The following CFAP299 variants were observed in gnomAD, a reference collection of about 807,000 sequenced individuals.
CFAP299 encodes the protein cilia and flagella associated protein 299.
Under a neutral mutation model 27.0 loss-of-function variants are expected in CFAP299, and 21 were observed. The ratio of observed to expected loss-of-function variants is 0.78; its 90% CI spans 0.55 to 1.12. The LOEUF is 1.12. Ranked by LOEUF, CFAP299 falls within the 50% of genes most tolerant of loss-of-function variation. CFAP299 has a pLI of 0.00. For missense variants in CFAP299, 310 were observed against 276.6 expected, an observed-to-expected ratio of 1.12 and a Z score of -0.86; for synonymous variants, 104 against 98.1, an observed-to-expected ratio of 1.06 and a Z score of -0.36.
intron 3 of CFAP299, among the ~76,000 whole-genome samples, chr4:80,742,070 T>C (rs1209647439): frequency 1.3e-5 from 2 of 152,088 alleles, no homozygotes; most frequent in African/African-American, 4.8e-5. Context: ...GTGGGAGAGA[T>C]GGGGGAAGGG....
intron 3 of CFAP299, among the ~76,000 whole-genome samples, chr4:80,772,251 C>A (rs559434560): frequency 6.6e-6 from 1 of 152,056 alleles, no homozygotes; most frequent in South Asian, 2.1e-4. Context: ...CGTGATAAAC[C>A]TCAATGTAGC....
At chr4:80,457,575 A>T (rs1464919478) in intron 2 of CFAP299, among the ~76,000 whole-genome samples, 2 of 152,168 alleles carry the variant, frequency 1.3e-5, no homozygotes, top group Non-Finnish European at 2.9e-5. Flanking sequence ...CTTCCCATTG[A>T]TTCCTAATCT....
chr4:80,624,029 T>A (rs1438863513), intron 3 of CFAP299, among the ~76,000 whole-genome samples: 1 of 152,176 alleles, frequency 6.6e-6, no homozygotes, highest in Non-Finnish European at 1.5e-5. Context: ...AAAATGCCAG[T>A]CTGCTAAGGC....
At chr4:80,422,402 C>G (rs1222650686) in intron 2 of CFAP299, among the ~76,000 whole-genome samples, 2 of 152,052 alleles carry the variant, frequency 1.3e-5, no homozygotes, top group Non-Finnish European at 2.9e-5. Context: ...TTAGTTTAGC[C>G]CTCCACAGGT....
At chr4:80,378,248 A>G (rs1194276557) in intron 2 of CFAP299, among the ~76,000 whole-genome samples, 1 of 152,230 alleles carries the variant, frequency 6.6e-6, no homozygotes, top group Non-Finnish European at 1.5e-5. Flanking sequence ...GATAGTATAT[A>G]GAAATAAAAT....
intron 4 of CFAP299, among the ~76,000 whole-genome samples, chr4:80,912,627 C>T (rs559504976): frequency 2.2e-4 from 33 of 152,102 alleles, no homozygotes; most frequent in African/African-American, 4.6e-4. Context: ...CTGGCCCACG[C>T]GTATGGCTCA....
chr4:80,776,535 A>G (rs1032580194), intron 3 of CFAP299, among the ~76,000 whole-genome samples: 3 of 152,112 alleles, frequency 2.0e-5, no homozygotes, highest in Non-Finnish European at 2.9e-5. Context: ...GAGTTGAACA[A>G]TGAGAACACG....
rs879141942 is a variant in CFAP299 at position 80,386,704 on chromosome 4, G to A, written c.242+23820G>A. 48 of 1,575,400 alleles carry A rather than the reference G, an allele frequency of 3.0e-5. 1 individual carries two copies. The East Asian group carries it at 8.6e-4, about 28-fold the overall frequency. ...GGCGGCTGAAGGACCTGCTGCACAG[G>A]GCGCATTTGTGGAGCTTCATGCCGG... On this transcript the variant is annotated intron_variant, in intron 2 of 5. Coordinates refer to ENST00000358105, the MANE Select transcript of CFAP299 (RefSeq NM_152770.3).
chr4:80,797,716 A>G (rs1727950468), intron 3 of CFAP299, among the ~76,000 whole-genome samples: 1 of 152,114 alleles, frequency 6.6e-6, no homozygotes, highest in Non-Finnish European at 1.5e-5. Context: ...GCCCTCACAA[A>G]TCTATTTCAG....
At chr4:80,928,188 G>A (rs73831210) in intron 4 of CFAP299, among the ~76,000 whole-genome samples, 11,347 of 151,954 alleles carry the variant, frequency 0.075, 809 homozygotes, top group African/African-American at 0.17. Flanking sequence ...TTATAATATT[G>A]TGCTCTTTAG....
upstream of CFAP299, among the ~76,000 whole-genome samples, chr4:80,332,376 A>G (rs1393632301): frequency 6.6e-6 from 1 of 152,086 alleles, no homozygotes; most frequent in Non-Finnish European, 1.5e-5. Flanking sequence ...AAAATGGGAA[A>G]GGAGCTGGGG....
intron 3 of CFAP299, among the ~76,000 whole-genome samples, chr4:80,812,141 T>C (rs1278768312): frequency 1.3e-5 from 2 of 152,024 alleles, no homozygotes; most frequent in Admixed American, 6.6e-5. Context: ...TTTGTAAAAA[T>C]GGTGAATAGT....
At chr4:80,406,367 G>T (rs540984402) in intron 2 of CFAP299, among the ~76,000 whole-genome samples, 51 of 152,154 alleles carry the variant, frequency 3.4e-4, no homozygotes, top group African/African-American at 1.1e-3. Context: ...CCTTTTTTAA[G>T]TGTAATTTTT....
At chr4:80,795,813 C>T (rs1286756106) in intron 3 of CFAP299, among the ~76,000 whole-genome samples, 1 of 152,098 alleles carries the variant, frequency 6.6e-6, no homozygotes, top group African/African-American at 2.4e-5. Flanking sequence ...TCCACCAAAG[C>T]CCACTAACAG....
At chr4:80,431,690 C>T (rs1727824686) in intron 2 of CFAP299, among the ~76,000 whole-genome samples, 1 of 152,194 alleles carries the variant, frequency 6.6e-6, no homozygotes, top group African/African-American at 2.4e-5. Flanking sequence ...CTTCCTGAGG[C>T]ATTGTCAAAC....
At chr4:80,629,976 G>A (rs1739123163) in intron 3 of CFAP299, among the ~76,000 whole-genome samples, 2 of 151,694 alleles carry the variant, frequency 1.3e-5, no homozygotes, top group Admixed American at 6.6e-5. Context: ...TATTTTCATT[G>A]AAATTTTTAA....
chr4:80,580,194 G>A (rs77606914), intron 2 of CFAP299, among the ~76,000 whole-genome samples: 6,456 of 152,122 alleles, frequency 0.042, 424 homozygotes, highest in African/African-American at 0.14. Flanking sequence ...CTATAACTCA[G>A]CTACCTTTCA....
intron 2 of CFAP299, among the ~76,000 whole-genome samples, chr4:80,391,323 G>T (rs1002530124): frequency 4.6e-5 from 7 of 152,080 alleles, no homozygotes; most frequent in African/African-American, 1.7e-4. Context: ...ATACCAATTT[G>T]TATTCCTACC....
At chr4:80,640,796 G>T (rs1739687145) in intron 3 of CFAP299, among the ~76,000 whole-genome samples, 1 of 152,128 alleles carries the variant, frequency 6.6e-6, no homozygotes, top group South Asian at 2.1e-4. Context: ...GGTTATTCAA[G>T]ATTAATTAGC....
Sources: allele counts gnomAD v4.1 joint callset (sites outside exome capture counted in the v4.1 genomes callset), GRCh38; gene constraint gnomAD v4.1.1; transcripts MANE v1.5; gene names NCBI Gene and HGNC (gene_info 2026-07-23, HGNC 2026-07-21).